Variants in ORC3 observed in about 807,000 individuals in gnomAD.
ORC3 encodes homolog of latheo, Drosophila.
In ORC3, 78 loss-of-function variants were observed where a neutral mutation model predicts 100.7. That is an observed-to-expected ratio of 0.77 (90% CI 0.65 to 0.94). ORC3 has a LOEUF of 0.94. ORC3 is among the 40% of genes least tolerant of loss of function. ORC3 has a pLI of 0.00. For synonymous variants in ORC3, 295 were observed against 289.3 expected (o/e 1.02, Z -0.20); for missense variants, 789 against 823.9 (o/e 0.96, Z 0.52).
intron 18 of ORC3, among the ~76,000 whole-genome samples, 190 bp from the exon 19 acceptor site, chr6:87,665,564 T>A (rs1770530008): frequency 6.6e-6 from 1 of 152,240 alleles, no homozygotes; most frequent in Admixed American, 6.5e-5. Context: ...AACAAGATTA[T>A]TCAGGAACCA....
chr6:87,666,602 C>A (rs939909108), intron 19 of ORC3, among the ~76,000 whole-genome samples: 2 of 151,644 alleles, frequency 1.3e-5, no homozygotes, highest in Non-Finnish European at 2.9e-5. Flanking sequence ...CCATGCCTGG[C>A]TAATTTTTGT....
At chr6:87,677,289 C>A in the ORC3 span, among the ~76,000 whole-genome samples, 1 of 151,994 alleles carries the variant, frequency 6.6e-6, no homozygotes, top group African/African-American at 2.4e-5. Context: ...TACATTAACA[C>A]CTCTATATTA....
chr6:87,610,181 G>A (rs1264845694), intron 7 of ORC3, among the ~76,000 whole-genome samples: 1 of 152,014 alleles, frequency 6.6e-6, no homozygotes, highest in African/African-American at 2.4e-5. Context: ...GCTATATATT[G>A]TGTTAAATAA....
chr6:87,614,697 G>A (rs984575861), intron 8 of ORC3, among the ~76,000 whole-genome samples: 1 of 152,106 alleles, frequency 6.6e-6, no homozygotes, highest in Admixed American at 6.5e-5. Context: ...TCTGGGGCAG[G>A]GGCAAAATGC....
intron 9 of ORC3, 23 bp downstream of exon 9, chr6:87,616,450 G>T: frequency 1.1e-6 from 1 of 942,476 alleles, no homozygotes; most frequent in South Asian, 1.3e-5. Flanking sequence ...TAATGGGTTT[G>T]AAAATTCTCA....
At chr6:87,613,955 G>T (rs1050121071) in intron 8 of ORC3, among the ~76,000 whole-genome samples, 1 of 152,198 alleles carries the variant, frequency 6.6e-6, no homozygotes, top group African/African-American at 2.4e-5. Context: ...ATTCTGGGGT[G>T]TAGAGGATGG....
intron 18 of ORC3, 21 bp downstream of exon 18, chr6:87,664,880 C>A (rs1770477467): frequency 7.0e-7 from 1 of 1,425,794 alleles, no homozygotes; most frequent in African/African-American, 1.4e-5. Flanking sequence ...GGGAAAAGAA[C>A]AAGCTAGATA....
chr6:87,607,883 A>C (rs539606109), intron 6 of ORC3, 59 bp downstream of exon 6: 3 of 1,244,884 alleles, frequency 2.4e-6, no homozygotes, highest in African/African-American at 3.0e-5. Flanking sequence ...TGTGGCTTGG[A>C]ATAATATTAG....
At chr6:87,644,327 C>T (rs980515547) in intron 13 of ORC3, among the ~76,000 whole-genome samples, 69 of 150,604 alleles carry the variant, frequency 4.6e-4, no homozygotes, top group African/African-American at 1.5e-3. Flanking sequence ...CTCCTGACCT[C>T]GTGATCTGCC....
At chr6:87,615,031 A>C (rs909998276) in intron 8 of ORC3, among the ~76,000 whole-genome samples, 1 of 152,210 alleles carries the variant, frequency 6.6e-6, no homozygotes, top group Admixed American at 6.5e-5. Context: ...TGATAAAGAC[A>C]TAGGCGAGAC....
intron 11 of ORC3, among the ~76,000 whole-genome samples, chr6:87,628,772 A>G (rs1780101526): frequency 6.6e-6 from 1 of 152,222 alleles, no homozygotes; most frequent in Non-Finnish European, 1.5e-5. Context: ...AGTTTGATGA[A>G]GACCTGCCTT....
At chr6:87,596,273 A>G (rs969594500) in intron 2 of ORC3, among the ~76,000 whole-genome samples, 5 of 151,702 alleles carry the variant, frequency 3.3e-5, no homozygotes, top group African/African-American at 1.2e-4. Flanking sequence ...AGCTGGGACT[A>G]CAGGCATGCG....
chr6:87,647,188 G>A (rs1336641784), intron 13 of ORC3, among the ~76,000 whole-genome samples: 1 of 152,020 alleles, frequency 6.6e-6, no homozygotes, highest in Non-Finnish European at 1.5e-5. Flanking sequence ...AAAACCCTCC[G>A]TTAACTCCGC....
Position 87,594,383 on chromosome 6 carries a change from AAG to A in ORC3, c.59_60del (p.Arg20LysfsTer11). 3 of 1,584,864 alleles carry A rather than the reference AAG, an allele frequency of 1.9e-6. No homozygotes were observed. The highest frequency in any genetic ancestry group is 2.6e-6 in the Non-Finnish European group (3 of 1,160,060). On this transcript the variant is annotated frameshift_variant, in exon 2 of 20. Coordinates refer to ENST00000392844, the MANE Select transcript of ORC3 (RefSeq NM_012381.4). LOFTEE classifies it high-confidence loss of function. ...CTTTGTTTTTAAGCCAAACTCCAAAAAGAGAAAGATCTCTCTGCCAATAGGTA... is the reference window on the plus strand; with the variant it reads ...CTTTGTTTTTAAGCCAAACTCCAAAAAGAAAGATCTCTCTGCCAATAGGTA... ...GCFVFKPNSK[K>X]RKISLPIEDY...
chr6:87,590,561 G>A (rs1467443887), intron 1 of ORC3, among the ~76,000 whole-genome samples: 1 of 152,116 alleles, frequency 6.6e-6, no homozygotes, highest in Non-Finnish European at 1.5e-5. Flanking sequence ...CAAGAAAGTC[G>A]GTAAACATAG....
intron 13 of ORC3, among the ~76,000 whole-genome samples, chr6:87,649,186 T>C (rs1410509330): frequency 6.6e-6 from 1 of 152,212 alleles, no homozygotes; most frequent in East Asian, 1.9e-4. Flanking sequence ...TTTTTTAAAA[T>C]AGTTAATTCT....
intron 19 of ORC3, among the ~76,000 whole-genome samples, chr6:87,666,073 A>G (rs28381550): frequency 1.3e-5 from 2 of 152,224 alleles, no homozygotes; most frequent in African/African-American, 4.8e-5. Flanking sequence ...TATATTTTAA[A>G]ATTTACCAAA....
At chr6:87,654,858 T>C (rs2128291010) in intron 14 of ORC3, among the ~76,000 whole-genome samples, 1 of 152,322 alleles carries the variant, frequency 6.6e-6, no homozygotes, top group African/African-American at 2.4e-5. Context: ...GTTCATATAA[T>C]ATGAGCTAGT....
intron 8 of ORC3, 91 bp downstream of exon 8, chr6:87,612,339 C>A: frequency 1.3e-6 from 1 of 758,280 alleles, no homozygotes; most frequent in Non-Finnish European, 2.1e-6. Flanking sequence ...TAAGCCTCTA[C>A]AACTCTCTGA....
Sources: allele counts gnomAD v4.1 joint callset (sites outside exome capture counted in the v4.1 genomes callset), GRCh38; gene constraint gnomAD v4.1.1; transcripts MANE v1.5; gene names NCBI Gene and HGNC (gene_info 2026-07-23, HGNC 2026-07-21).